Variants in TNFRSF11B observed in about 807,000 individuals in gnomAD.
TNFRSF11B encodes TNF receptor superfamily member 11b, also known as tumor necrosis factor receptor superfamily member 11B.
In TNFRSF11B, 16 loss-of-function variants were observed where a neutral mutation model predicts 43.4. That is an observed-to-expected ratio of 0.37 (90% CI 0.25 to 0.56). The LOEUF is 0.56. Among genes scored for constraint, TNFRSF11B ranks in the 20% least tolerant of loss-of-function variants. The pLI is 0.80. For synonymous variants in TNFRSF11B, 185 were observed against 181.8 expected, an observed-to-expected ratio of 1.02 and a Z score of -0.14; for missense variants, 444 against 490.1, an observed-to-expected ratio of 0.91 and a Z score of 0.89.
chr8:118,937,147 C>A (rs1036252857), intron 1 of TNFRSF11B, among the ~76,000 whole-genome samples: 6 of 152,216 alleles, frequency 3.9e-5, no homozygotes, highest in African/African-American at 1.4e-4. Context: ...GCATAAGCAT[C>A]TTTTCTCACA....
rs1040869350 is a variant in TNFRSF11B, at chr8:118,936,760, C to T, written c.31-3460G>A. Among the ~76,000 whole-genome samples the T allele has an allele frequency of 1.4e-4, 21 of 152,064 alleles. 2 individuals carry two copies. Among genetic ancestry groups the T allele is most frequent in the Admixed American group, 1.2e-3 (19 of 15,278 alleles). ...TGTAGAAGAAGGTACTCCGAGATCGCGCCACTGCACTCCAGCCTGGCGACA... is the reference window on the plus strand; with the variant it reads ...TGTAGAAGAAGGTACTCCGAGATCGTGCCACTGCACTCCAGCCTGGCGACA... On this transcript the variant is annotated intron_variant, in intron 1 of 4. Transcript: ENST00000297350.
chr8:118,925,175 C>T (rs11573938), intron 4 of TNFRSF11B, among the ~76,000 whole-genome samples: 14,919 of 152,170 alleles, frequency 0.098, 859 homozygotes, highest in South Asian at 0.14. Flanking sequence ...AGTTAATTGC[C>T]GTAACTAGCC....
chr8:118,951,785 G>A lies in TNFRSF11B; in HGVS notation c.30+7C>T, dbSNP rs1337036329. On this transcript the variant is annotated splice_region_variant and intron_variant, in intron 1 of 4. Transcript: ENST00000297350. The stretch of plus-strand genomic sequence containing the variant: ...CCGGGCACCCGTCGGCTGGCCCAGG[G>A]ACTTACCACGAGCGCGCAGCACAGC... The A allele has an allele frequency of 6.3e-6, 10 of 1,589,952 alleles. No homozygotes were observed. In the South Asian group the frequency reaches 8.0e-5, roughly 13 times the overall value.
In TNFRSF11B at chr8:118,926,655, C is replaced by T; in HGVS notation, c.656G>A (p.Trp219Ter). The stretch of plus-strand genomic sequence containing the variant: ...CAAATTGTCTACCAAGACACTAAGC[C>T]AGTTAGGCGTAAACTTTGTAGGAAC... ...FAVPTKFTPN[W>*]LSVLVDNLPG... The change falls in exon 4 of 5, where the codon TGG becomes TAG. Residue 219 changes from tryptophan to a stop codon, truncating the protein, a stop_gained. Transcript: ENST00000297350. LOFTEE classifies it high-confidence loss of function. 1.2e-6 allele frequency: 2 copies of T among 1,614,054 alleles called. No individual in the cohort carries two copies. Among genetic ancestry groups the T allele is most frequent in the Non-Finnish European group, 1.7e-6 (2 of 1,179,984 alleles).
At chr8:118,925,383 G>A (rs3134040) in intron 4 of TNFRSF11B, among the ~76,000 whole-genome samples, 1 of 152,174 alleles carries the variant, frequency 6.6e-6, no homozygotes, top group African/African-American at 2.4e-5. Context: ...GAGCCCTAAG[G>A]CAAATCGGTT....
chr8:118,933,346 AG>A, intron 1 of TNFRSF11B, 46 bp from the exon 2 acceptor site: 1 of 1,607,480 alleles, frequency 6.2e-7, no homozygotes, highest in Non-Finnish European at 8.5e-7. Flanking sequence ...GCATGAAAAT[AG>A]GTTTGTTCTT....
chr8:118,926,662 G>C lies in TNFRSF11B; in HGVS notation c.649C>G (p.Pro217Ala), dbSNP rs1424246901. 1.2e-6 allele frequency: 2 copies of C among 1,614,028 alleles called. No individual in the cohort carries two copies. The highest frequency in any genetic ancestry group is 2.2e-5 in the South Asian group (2 of 91,082). ...TCTACCAAGACACTAAGCCAGTTAG[G>C]CGTAAACTTTGTAGGAACAGCAAAC... ...FRFAVPTKFT[P>A]NWLSVLVDNL... Residue 217 changes from proline to alanine, a missense_variant, in exon 4 of 5, where the codon CCT (proline) becomes GCT (alanine). Transcript: ENST00000297350.
intron 1 of TNFRSF11B, among the ~76,000 whole-genome samples, chr8:118,936,823 C>G (rs1812412145): frequency 6.6e-6 from 1 of 152,042 alleles, no homozygotes. Flanking sequence ...CAAAACAAAA[C>G]AAAACAAAAG....
At chr8:118,935,556 G>A (rs1185608887) in intron 1 of TNFRSF11B, among the ~76,000 whole-genome samples, 2 of 125,868 alleles carry the variant, frequency 1.6e-5, no homozygotes, top group East Asian at 4.2e-4. Flanking sequence ...ATATATAATG[G>A]GACAACTTTC....
rs576089665 is a variant in TNFRSF11B at position 118,948,340 on chromosome 8, C to T, written c.30+3452G>A. On this transcript the variant is annotated intron_variant, in intron 1 of 4. Coordinates refer to ENST00000297350, the MANE Select transcript of TNFRSF11B (RefSeq NM_002546.4). The stretch of plus-strand genomic sequence containing the variant: ...AAACTCAAACTAAAGGAAATGCTAT[C>T]GGTTAATGAGATGCTAGAGAAAATA... 4.0e-5 allele frequency among the ~76,000 whole-genome samples: 6 copies of T among 151,732 alleles called. No individual in the cohort carries two copies. The South Asian group carries it at 8.4e-4, about 21-fold the overall frequency.
Position 118,933,203 on chromosome 8 carries a change from T to G in TNFRSF11B, c.128A>C (p.Lys43Thr). Reference protein sequence around the residue: ...EETSHQLLCDKCPPGTYLKQH... With the variant: ...EETSHQLLCDTCPPGTYLKQH... ...TTTTAGGTAGGTACCAGGAGGACATTTGTCACACAACAGCTGATGAGAGGT... is the reference window on the plus strand; with the variant it reads ...TTTTAGGTAGGTACCAGGAGGACATGTGTCACACAACAGCTGATGAGAGGT... Residue 43 changes from lysine (K) to threonine (T), a missense_variant, in exon 2 of 5, where the codon AAA becomes ACA. Coordinates refer to ENST00000297350, the MANE Select transcript of TNFRSF11B (RefSeq NM_002546.4). 2 of 1,614,150 alleles carry G rather than the reference T, an allele frequency of 1.2e-6. No homozygotes were observed. Among genetic ancestry groups the G allele is most frequent in the Non-Finnish European group, 8.5e-7 (1 of 1,180,030 alleles).
intron 3 of TNFRSF11B, 137 bp downstream of exon 3, chr8:118,928,601 G>A (rs1031684850): frequency 3.2e-6 from 3 of 934,420 alleles, no homozygotes; most frequent in Admixed American, 1.9e-5. Flanking sequence ...TGCATCGAGA[G>A]TAGCCTTAGC....
At chr8:118,936,273 C>A (rs1366062583) in intron 1 of TNFRSF11B, among the ~76,000 whole-genome samples, 1 of 152,088 alleles carries the variant, frequency 6.6e-6, no homozygotes, top group Non-Finnish European at 1.5e-5. Context: ...GTGGAATAAT[C>A]ACATATATTT....
At chr8:118,939,704 G>A (rs1390286229) in intron 1 of TNFRSF11B, among the ~76,000 whole-genome samples, 2 of 152,202 alleles carry the variant, frequency 1.3e-5, no homozygotes, top group Admixed American at 6.5e-5. Flanking sequence ...TGAGACTCAA[G>A]TGATGATGTC....
intron 1 of TNFRSF11B, among the ~76,000 whole-genome samples, chr8:118,940,310 C>A (rs1289207119): frequency 6.6e-6 from 1 of 151,958 alleles, no homozygotes; most frequent in Non-Finnish European, 1.5e-5. Flanking sequence ...GCACATGCAC[C>A]CTAGAACTTA....
chr8:118,926,896 AC>A (rs1270966031), intron 3 of TNFRSF11B, among the ~76,000 whole-genome samples, 178 bp from the exon 4 acceptor site: 1 of 152,256 alleles, frequency 6.6e-6, no homozygotes, highest in African/African-American at 2.4e-5. Context: ...GCAGAGACCA[AC>A]TGAGCTTACG....
rs1472247087 is a variant in TNFRSF11B, at chr8:118,926,586, C to T, written c.725G>A (p.Arg242Gln). 8.7e-6 allele frequency: 14 copies of T among 1,613,932 alleles called. No individual in the cohort carries two copies. The highest frequency in any genetic ancestry group is 4.4e-5 in the South Asian group (4 of 91,082). ...AGTCTGTTCTTGTGAGCTGTGTTGC[C>T]GTTTTATCCTCTCTACACTCTCTGC... Reference protein sequence around the residue: ...VNAESVERIKRQHSSQEQTFQ... With the variant: ...VNAESVERIKQQHSSQEQTFQ... The change falls in exon 4 of 5, where the codon CGG (arginine) becomes CAG (glutamine). Residue 242 changes from arginine to glutamine, a missense_variant. By Grantham distance (43) the Arg-to-Gln change is conservative. Coordinates refer to ENST00000297350, the MANE Select transcript of TNFRSF11B (RefSeq NM_002546.4).
chr8:118,929,173 G>A lies in TNFRSF11B; in HGVS notation c.401-244C>T, dbSNP rs893120447. On this transcript the variant is annotated intron_variant, in intron 2 of 4. Transcript: ENST00000297350. ...TCAATTTTCTCGTTACCTACAAAAC[G>A]CTCATGAAATGTGAGAGGAAAGGAA... 8 of 529,872 alleles carry A rather than the reference G, an allele frequency of 1.5e-5. No individual in the cohort carries two copies. In the Admixed American group the frequency reaches 1.6e-4, roughly 11 times the overall value. 32.8% of individuals were successfully genotyped at this position (529,872 alleles called of 1,614,324 possible). A position where few individuals can be genotyped will look rare whatever the true frequency, so the allele number is the denominator to read the frequency against.
At chr8:118,943,187 C>T (rs1812512479) in intron 1 of TNFRSF11B, among the ~76,000 whole-genome samples, 1 of 152,132 alleles carries the variant, frequency 6.6e-6, no homozygotes, top group African/African-American at 2.4e-5. Flanking sequence ...TCATCATACA[C>T]TTATTCCTGC....
Sources: allele counts gnomAD v4.1 joint callset (sites outside exome capture counted in the v4.1 genomes callset), GRCh38; gene constraint gnomAD v4.1.1; transcripts MANE v1.5; gene names NCBI Gene and HGNC (gene_info 2026-07-23, HGNC 2026-07-21).